LY6K: variants seen among roughly 807,000 people sequenced by gnomAD.
LY6K encodes lymphocyte antigen 6K.
In LY6K, 9 loss-of-function variants were observed where a neutral mutation model predicts 10.4. The ratio of observed to expected loss-of-function variants is 0.87; its 90% CI spans 0.52 to 1.52. The LOEUF (loss-of-function observed/expected upper bound fraction) is 1.52, where lower values mean the gene tolerates loss of function less well. Among genes scored for constraint, LY6K ranks in the 40% most tolerant of loss-of-function variants. The pLI, the probability that LY6K is intolerant of heterozygous loss-of-function variation, is 0.00. For synonymous variants in LY6K, 98 were observed against 83.7 expected (o/e 1.17, Z -0.94); for missense variants, 217 against 211.7 (o/e 1.02, Z -0.15).
rs1452383324 is a variant in LY6K, at chr8:142,701,587, TTCC to T, written c.104-8_104-6del. The T allele has an allele frequency of 4.6e-5, 71 of 1,553,866 alleles. No individual in the cohort carries two copies. The highest frequency in any genetic ancestry group is 6.1e-5 in the Non-Finnish European group (69 of 1,125,248). ...CTGGAACATTCTGCTTTCTTTTTTA[TTCC>T]TCCTTTCAGACGAGGGTGACAATAG... On this transcript the variant is annotated splice_polypyrimidine_tract_variant and intron_variant, in intron 1 of 2. Transcript: ENST00000292430.
chr8:142,700,332 C>A lies in LY6K; in HGVS notation c.-196C>A. On this transcript the variant is annotated 5_prime_UTR_variant, in exon 1 of 3. Transcript: ENST00000292430. Reference sequence around the variant, plus strand: ...GACTCAGAACCGGCGTTCAGGGCCGCCAGCGGCCGCGAGGCCCTGAGATGA... The same window carrying A: ...GACTCAGAACCGGCGTTCAGGGCCGACAGCGGCCGCGAGGCCCTGAGATGA... The A allele has an allele frequency of 7.7e-7, 1 of 1,306,372 alleles. No individual in the cohort carries two copies. The highest frequency in any genetic ancestry group is 1.6e-5 in the African/African-American group (1 of 64,388). The allele number at this position is 1,306,372 out of a possible 1,614,324, so 80.9% of individuals were successfully genotyped here.
chr8:142,702,838 A>G, intron 2 of LY6K: 1 of 1,515,248 alleles, frequency 6.6e-7, no homozygotes, highest in Non-Finnish European at 8.9e-7. Context: ...GTTTGTTCCC[A>G]AACAGCAACC....
chr8:142,700,754 C>T lies in LY6K; in HGVS notation c.103+124C>T, dbSNP rs1383562253. On this transcript the variant is annotated intron_variant, in intron 1 of 2. Transcript: ENST00000292430. Reference sequence around the variant, plus strand: ...AACGGAGCGTTCAGGCGGCCCGTGGCGCCTGGAAGCCTCTGGGGAGCCTCG... The same window carrying T: ...AACGGAGCGTTCAGGCGGCCCGTGGTGCCTGGAAGCCTCTGGGGAGCCTCG... The T allele has an allele frequency of 3.8e-6, 4 of 1,039,550 alleles. No individual in the cohort carries two copies. The African/African-American group carries it at 5.1e-5, about 13-fold the overall frequency. The allele number at this position is 1,039,550 out of a possible 1,614,324, so 64.4% of individuals were successfully genotyped here. A position where few individuals can be genotyped will look rare whatever the true frequency, so the allele number is the denominator to read the frequency against.
chr8:142,701,760 G>A, intron 2 of LY6K, 47 bp downstream of exon 2: 2 of 1,245,192 alleles, frequency 1.6e-6, no homozygotes. Context: ...GGTGAACAGA[G>A]GGCTTTCAGG....
intron 1 of LY6K, among the ~76,000 whole-genome samples, 184 bp from the exon 2 acceptor site, chr8:142,701,416 C>G (rs1315381340): frequency 6.6e-6 from 1 of 152,160 alleles, no homozygotes; most frequent in East Asian, 1.9e-4. Context: ...GCAGCTCTTA[C>G]GTGGCCGGAG....
chr8:142,701,656 T>G lies in LY6K; in HGVS notation c.160T>G (p.Cys54Gly). 3 of 1,613,980 alleles carry G rather than the reference T, an allele frequency of 1.9e-6. No homozygotes were observed. Among genetic ancestry groups the G allele is most frequent in the Non-Finnish European group, 2.5e-6 (3 of 1,179,954 alleles). The change falls in exon 2 of 3, where the codon TGC (cysteine) becomes GGC (glycine). Residue 54 changes from cysteine to glycine, a missense_variant. Transcript: ENST00000292430. Reference protein sequence around the residue: ...HVCERENTFECQNPRRCKWTE... With the variant: ...HVCERENTFEGQNPRRCKWTE... Reference sequence around the variant, plus strand: ...TTGTGAGAGAGAAAACACTTTCGAGTGCCAGAACCCAAGGAGGTGCAAATG... The same window carrying G: ...TTGTGAGAGAGAAAACACTTTCGAGGGCCAGAACCCAAGGAGGTGCAAATG...
intron 1 of LY6K, 60 bp downstream of exon 1, chr8:142,700,690 C>T (rs1814975762): frequency 5.9e-6 from 8 of 1,367,286 alleles, no homozygotes; most frequent in Middle Eastern, 3.9e-4. Flanking sequence ...GCGGCGTCTG[C>T]CTGGCACCGC....
In LY6K at chr8:142,700,216, T is replaced by C. The variant is rs2129912205; in HGVS notation, c.-312T>C. The stretch of plus-strand genomic sequence containing the variant: ...GTCCTCAAGGAGACGGCCCTTGGGC[T>C]CAGGGGCTGCGTTTCCACACGCGCC... On this transcript the variant is annotated 5_prime_UTR_variant, in exon 1 of 3. Transcript: ENST00000292430. 1 of 715,284 alleles carries C rather than the reference T, an allele frequency of 1.4e-6. No individual in the cohort carries two copies. Among genetic ancestry groups the C allele is most frequent in the Non-Finnish European group, 1.8e-6 (1 of 541,472 alleles). The allele number at this position is 715,284 out of a possible 1,614,324, so 44.3% of individuals were successfully genotyped here.
intron 2 of LY6K, 25 bp from the exon 3 acceptor site, chr8:142,703,066 T>C (rs1191205803): frequency 6.2e-7 from 1 of 1,611,380 alleles, no homozygotes; most frequent in Non-Finnish European, 8.5e-7. Flanking sequence ...GTGATTGCCT[T>C]CTCTCGGTCT....
intron 2 of LY6K, 189 bp downstream of exon 2, chr8:142,701,902 C>T (rs975889684): frequency 5.9e-5 from 30 of 507,192 alleles, no homozygotes; most frequent in Non-Finnish European, 8.1e-5. Context: ...CCTCGCCTTC[C>T]GGGTTCAAGC....
rs1238058434 is a variant in LY6K, at chr8:142,700,164, C to T, written c.-364C>T. 2.3e-5 allele frequency: 6 copies of T among 260,350 alleles called. No individual in the cohort carries two copies. The Admixed American group carries it at 2.4e-4, about 11-fold the overall frequency. The allele number at this position is 260,350 out of a possible 1,614,324, so 16.1% of individuals were successfully genotyped here. A position where few individuals can be genotyped will look rare whatever the true frequency, so the allele number is the denominator to read the frequency against. ...CAGCGGAGAAGATCCCCTACCTGGC[C>T]GCCGGCCACTTTCTGTGGGCCGTGG... On this transcript the variant is annotated 5_prime_UTR_variant, in exon 1 of 3. Transcript: ENST00000292430.
chr8:142,702,089 G>T, intron 2 of LY6K: 1 of 276,388 alleles, frequency 3.6e-6, no homozygotes, highest in South Asian at 4.9e-5. Flanking sequence ...GATTACAAGC[G>T]TAAGCCACCG....
At chr8:142,702,853 G>C in intron 2 of LY6K, 2 of 1,535,838 alleles carry the variant, frequency 1.3e-6, no homozygotes, top group Non-Finnish European at 1.8e-6. Flanking sequence ...GCAACCCCTA[G>C]ACCCGCATTC....
intron 1 of LY6K, among the ~76,000 whole-genome samples, chr8:142,701,251 A>G (rs983191433): frequency 1.3e-5 from 2 of 152,132 alleles, no homozygotes; most frequent in Non-Finnish European, 2.9e-5. Flanking sequence ...AAGAAAAATC[A>G]CTCAGAATGT....
chr8:142,700,994 G>C (rs999451080), intron 1 of LY6K, among the ~76,000 whole-genome samples: 16 of 146,252 alleles, frequency 1.1e-4, no homozygotes, highest in Non-Finnish European at 2.1e-4. Flanking sequence ...AGACCCAAGG[G>C]AGAACTCCTT....
chr8:142,702,776 GTCT>G, intron 2 of LY6K: 1 of 1,486,040 alleles, frequency 6.7e-7, no homozygotes, highest in South Asian at 1.3e-5. Context: ...TCATGTGTCT[GTCT>G]GTGGTCACAA....
At chr8:142,700,987 C>A (rs1277189918) in intron 1 of LY6K, among the ~76,000 whole-genome samples, 2 of 151,984 alleles carry the variant, frequency 1.3e-5, no homozygotes, top group Middle Eastern at 3.4e-3. Context: ...CCAACCCAGA[C>A]CCAAGGGAGA....
At chr8:142,702,688 G>T in intron 2 of LY6K, 3 of 1,512,034 alleles carry the variant, frequency 2.0e-6, no homozygotes, top group South Asian at 1.2e-5. Context: ...CATGAGACAA[G>T]ACCCCCAGCT....
chr8:142,703,467 C>A lies in LY6K; in HGVS notation c.*96C>A, dbSNP rs2244152. ...TAAACTTGTTTTCTGTTGATTACCT[C>A]TTGGTTTGACTTCCCAGGGTCTTGG... is the stretch of plus-strand genomic sequence containing the variant. On this transcript the variant is annotated 3_prime_UTR_variant, in exon 3 of 3. Transcript: ENST00000292430. The A allele has an allele frequency of 0.48, 684,865 of 1,432,810 alleles. 164,482 individuals carry two copies. Among genetic ancestry groups the A allele is most frequent in the African/African-American group, 0.57 (40,504 of 70,842 alleles). 88.8% of individuals were successfully genotyped at this position (1,432,810 alleles called of 1,614,324 possible). A position where few individuals can be genotyped will look rare whatever the true frequency, so the allele number is the denominator to read the frequency against.
Sources: gnomAD v4.1 joint callset for allele counts (sites outside exome capture counted in the v4.1 genomes callset) on GRCh38, gnomAD v4.1.1 for gene constraint, MANE v1.5 for transcripts, NCBI Gene and HGNC (gene_info 2026-07-23, HGNC 2026-07-21) for gene names.